The following SPINK5 variants were observed in gnomAD, a reference collection of about 807,000 sequenced individuals.
SPINK5 encodes the protein serine protease inhibitor Kazal-type 5.
SPINK5 carries 125 observed loss-of-function variants against 151.8 expected under a neutral mutation model. The ratio of observed to expected loss-of-function variants is 0.82; its 90% CI spans 0.71 to 0.96. The LOEUF is 0.96. Ranked by LOEUF, SPINK5 falls within the 40% of genes least tolerant of loss-of-function variation. The pLI, the probability that SPINK5 is intolerant of heterozygous loss-of-function variation, is 0.00. For synonymous variants in SPINK5, 374 were observed against 395.3 expected (o/e 0.95, Z 0.64); for missense variants, 1,194 against 1,291.9 (o/e 0.92, Z 1.16).
At chr5:148,125,501 T>C in intron 28 of SPINK5, 1 of 1,606,334 alleles carries the variant, frequency 6.2e-7, no homozygotes, top group African/African-American at 1.3e-5. Flanking sequence ...AAGTGTTGTT[T>C]TATGTTTCCC....
chr5:148,064,251 A>G (rs1187528041), intron 1 of SPINK5, 152 bp downstream of exon 1: 11 of 805,680 alleles, frequency 1.4e-5, no homozygotes, highest in Non-Finnish European at 2.3e-5. Flanking sequence ...GAAGATTTAT[A>G]TATGTGGCTT....
intron 30 of SPINK5, among the ~76,000 whole-genome samples, chr5:148,129,158 T>C (rs1192834779): frequency 6.6e-6 from 1 of 152,114 alleles, no homozygotes; most frequent in Non-Finnish European, 1.5e-5. Context: ...GTTGTTGAAA[T>C]AGAGCTACCT....
At chr5:148,075,922 A>G (rs1752866421) in intron 4 of SPINK5, among the ~76,000 whole-genome samples, 1 of 151,738 alleles carries the variant, frequency 6.6e-6, no homozygotes, top group African/African-American at 2.4e-5. Flanking sequence ...AGTGTAAGTG[A>G]TAATCTTCAC....
At chr5:148,075,975 G>C (rs537135615) in intron 4 of SPINK5, among the ~76,000 whole-genome samples, 1 of 151,906 alleles carries the variant, frequency 6.6e-6, no homozygotes, top group South Asian at 2.1e-4. Flanking sequence ...CATAATTGAA[G>C]CAAGTGTATT....
intron 30 of SPINK5, among the ~76,000 whole-genome samples, chr5:148,130,105 A>G (rs529329625): frequency 5.3e-5 from 8 of 152,048 alleles, no homozygotes; most frequent in Admixed American, 2.0e-4. Context: ...AAAATTTTCT[A>G]TGCTCATCAT....
Position 148,100,582 on chromosome 5 carries a change from GT to G in SPINK5, c.1220+2del, listed in dbSNP as rs1264597279. On this transcript the variant is annotated splice_donor_variant, in intron 13 of 32. Coordinates refer to ENST00000256084, the MANE Select transcript of SPINK5 (RefSeq NM_006846.4). LOFTEE classifies it high-confidence loss of function. ...CCTGCTCCATGTGTGAGGTCTTCTT[GT>G]GAGTAGCCCTGCAGCTGGGAACATG... 1 of 1,612,734 alleles carries G rather than the reference GT, an allele frequency of 6.2e-7. No individual in the cohort carries two copies. The highest frequency in any genetic ancestry group is 8.5e-7 in the Non-Finnish European group (1 of 1,179,178).
At position 148,104,348 on chromosome 5, in the gene SPINK5, G is replaced by A. The variant is rs556676855; in HGVS notation, c.1431-604G>A. On this transcript the variant is annotated intron_variant, in intron 15 of 32. Transcript: ENST00000256084. ...GATAAATATTACCTCTCCATAAAGAGTAATCACACATGCAAAAGAATCAGC... is the reference window on the plus strand; with the variant it reads ...GATAAATATTACCTCTCCATAAAGAATAATCACACATGCAAAAGAATCAGC... Among the ~76,000 whole-genome samples, 15 of 152,204 alleles carry A rather than the reference G, an allele frequency of 9.9e-5. No individual in the cohort carries two copies. The South Asian group carries it at 3.1e-3, about 32-fold the overall frequency.
intron 30 of SPINK5, among the ~76,000 whole-genome samples, chr5:148,129,383 C>T (rs1035434504): frequency 1.3e-4 from 20 of 152,132 alleles, no homozygotes; most frequent in Admixed American, 5.2e-4. Context: ...TTGCAGTTGT[C>T]TACAGAAGAG....
rs766507957 is a variant in SPINK5 at position 148,101,372 on chromosome 5, A to C, written c.1238A>C (p.Glu413Ala). 3.7e-6 allele frequency: 6 copies of C among 1,610,870 alleles called. No homozygotes were observed. The Admixed American group carries it at 1.0e-4, about 27-fold the overall frequency. The change falls in exon 14 of 33, where the codon GAA (glutamate) becomes GCA (alanine). Residue 413 changes from glutamate (E) to alanine (A), a missense_variant. Coordinates refer to ENST00000256084, the MANE Select transcript of SPINK5 (RefSeq NM_006846.4). ...CEVFFQAEEE[E>A]KKKKEGKSRN... Reference sequence around the variant, plus strand: ...TTTTTTAGCCAAGCAGAAGAAGAAGAAAAGAAAAAGAAGGAAGGTAAATCA... The same window carrying C: ...TTTTTTAGCCAAGCAGAAGAAGAAGCAAAGAAAAAGAAGGAAGGTAAATCA...
chr5:148,067,922 C>T (rs1023051415), intron 2 of SPINK5, among the ~76,000 whole-genome samples: 1 of 152,132 alleles, frequency 6.6e-6, no homozygotes, highest in African/African-American at 2.4e-5. Context: ...CCTGATGCTA[C>T]TCTTTTATGA....
At chr5:148,103,138 G>T (rs1373293665) in intron 15 of SPINK5, among the ~76,000 whole-genome samples, 2 of 152,068 alleles carry the variant, frequency 1.3e-5, no homozygotes, top group African/African-American at 4.8e-5. Flanking sequence ...CTATTAGAAG[G>T]AAAGTTGAGA....
intron 5 of SPINK5, among the ~76,000 whole-genome samples, chr5:148,087,835 T>G (rs1010302242): frequency 6.6e-6 from 1 of 151,876 alleles, no homozygotes; most frequent in Non-Finnish European, 1.5e-5. Context: ...GCTAGGAGGC[T>G]CTACAATAAA....
rs1212002310 is a variant in SPINK5 at position 148,130,161 on chromosome 5, C to G, written c.2965-1098C>G. Reference sequence around the variant, plus strand: ...AAGTTTAGATCATCCATTTTAGAACCTCTTTCTTTTCTAATATATGTATTA... The same window carrying G: ...AAGTTTAGATCATCCATTTTAGAACGTCTTTCTTTTCTAATATATGTATTA... On this transcript the variant is annotated intron_variant, in intron 30 of 32. Coordinates refer to ENST00000256084, the MANE Select transcript of SPINK5 (RefSeq NM_006846.4). Among the ~76,000 whole-genome samples the G allele has an allele frequency of 2.6e-5, 4 of 151,770 alleles. No individual in the cohort carries two copies. In the East Asian group the frequency reaches 7.7e-4, roughly 29 times the overall value.
At chr5:148,064,197 T>A in intron 1 of SPINK5, 98 bp downstream of exon 1, 9 of 1,221,136 alleles carry the variant, frequency 7.4e-6, no homozygotes, top group Non-Finnish European at 1.1e-5. Flanking sequence ...AATGTTTACG[T>A]ATGCATGTAT....
At chr5:148,065,593 G>T (rs1184196411) in intron 2 of SPINK5, 4 of 526,724 alleles carry the variant, frequency 7.6e-6, no homozygotes, top group Non-Finnish European at 1.3e-5. Flanking sequence ...AATGATGATG[G>T]ATGTCTGCAA....
rs1160510934 is a variant in SPINK5, at chr5:148,128,380, AAGCTACAGTCT to A, written c.2964+1302_2964+1312del. On this transcript the variant is annotated intron_variant, in intron 30 of 32. Coordinates refer to ENST00000256084, the MANE Select transcript of SPINK5 (RefSeq NM_006846.4). ...CAGTAGCCCCCTCATTCTCCCTCAT[AAGCTACAGTCT>A]GCTTTGGAGCTATTTCTTTTGGAGA... Among the ~76,000 whole-genome samples the A allele has an allele frequency of 3.3e-5, 5 of 152,184 alleles. No individual in the cohort carries two copies. In the South Asian group the frequency reaches 6.2e-4, roughly 19 times the overall value.
At chr5:148,100,333 C>A (rs1581080482) in intron 12 of SPINK5, 121 bp from the exon 13 acceptor site, 1 of 1,067,722 alleles carries the variant, frequency 9.4e-7, no homozygotes. Context: ...TTGAGAAAAA[C>A]ACAATTAAAA....
intron 20 of SPINK5, among the ~76,000 whole-genome samples, chr5:148,113,779 T>TC (rs1754008580): frequency 1.3e-5 from 2 of 152,172 alleles, no homozygotes; most frequent in Non-Finnish European, 2.9e-5. Flanking sequence ...AAAAATAGAT[T>TC]CACTCTTCAA....
rs557493218 is a variant in SPINK5, at chr5:148,119,522, A to G, written c.2313+464A>G. 2.0e-5 allele frequency among the ~76,000 whole-genome samples: 3 copies of G among 152,328 alleles called. No homozygotes were observed. The South Asian group carries it at 6.2e-4, about 32-fold the overall frequency. The stretch of plus-strand genomic sequence containing the variant: ...TTGTGATAAAACCAAGATGTTGGTA[A>G]TGCCGCATTCCTTTGTGGAGGCTCT... On this transcript the variant is annotated intron_variant, in intron 24 of 32. Coordinates refer to ENST00000256084, the MANE Select transcript of SPINK5 (RefSeq NM_006846.4).
Sources: gnomAD v4.1 joint callset for allele counts (sites outside exome capture counted in the v4.1 genomes callset) on GRCh38, gnomAD v4.1.1 for gene constraint, MANE v1.5 for transcripts, NCBI Gene and HGNC (gene_info 2026-07-23, HGNC 2026-07-21) for gene names.